The following CSMD1 variants were observed in gnomAD, a reference collection of about 807,000 sequenced individuals.
CSMD1 encodes CUB and Sushi multiple domains 1.
Under a neutral mutation model 417.5 loss-of-function variants are expected in CSMD1, and 213 were observed. The ratio of observed to expected loss-of-function variants is 0.51; its 90% confidence interval spans 0.46 to 0.57. The LOEUF (loss-of-function observed/expected upper bound fraction) is 0.57, where lower values mean the gene tolerates loss of function less well. CSMD1 is among the 20% of genes least tolerant of loss of function. The pLI is 0.00. For synonymous variants in CSMD1, 2,862 were observed against 1,736.8 expected, an observed-to-expected ratio of 1.65 and a Z score of -16.11; for missense variants, 6,923 against 4,529.7, an observed-to-expected ratio of 1.53 and a Z score of -15.17.
chr8:3,820,099 G>C (rs891773969), intron 5 of CSMD1, among the ~76,000 whole-genome samples: 1 of 152,124 alleles, frequency 6.6e-6, no homozygotes, highest in Non-Finnish European at 1.5e-5. Context: ...TTTCTTCAGG[G>C]ACAGATGCAC....
At chr8:4,768,729 G>C (rs778339947) in intron 1 of CSMD1, among the ~76,000 whole-genome samples, 1 of 152,182 alleles carries the variant, frequency 6.6e-6, no homozygotes, top group Non-Finnish European at 1.5e-5. Flanking sequence ...AACTCCCCAG[G>C]AGTGTCCCTC....
intron 1 of CSMD1, among the ~76,000 whole-genome samples, chr8:4,835,005 GAAAGAA>G (rs1800389136): frequency 2.8e-5 from 2 of 71,634 alleles, no homozygotes; most frequent in African/African-American, 4.6e-5. Flanking sequence ...AAGAAAGAAA[GAAAGAA>G]AAAAAAATCA....
chr8:4,733,778 C>T (rs934999948), intron 1 of CSMD1, among the ~76,000 whole-genome samples: 11 of 152,112 alleles, frequency 7.2e-5, no homozygotes, highest in Admixed American at 2.0e-4. Context: ...TTAACAACAA[C>T]GACAAAATCC....
chr8:4,150,532 C>G (rs976915489), intron 3 of CSMD1, among the ~76,000 whole-genome samples: 2 of 152,126 alleles, frequency 1.3e-5, no homozygotes, highest in Non-Finnish European at 2.9e-5. Flanking sequence ...TTCTGTTCTT[C>G]CAAGTGTAAT....
At chr8:4,446,536 G>C (rs547909541) in intron 2 of CSMD1, among the ~76,000 whole-genome samples, 3 of 152,144 alleles carry the variant, frequency 2.0e-5, no homozygotes, top group Admixed American at 6.5e-5. Flanking sequence ...AGCAGAATGA[G>C]ACCCCGGTTC....
intron 6 of CSMD1, among the ~76,000 whole-genome samples, chr8:3,713,903 A>C (rs1373310279): frequency 6.6e-6 from 1 of 152,104 alleles, no homozygotes. Flanking sequence ...CTGTAATTTT[A>C]TCAATGCCTC....
chr8:3,999,230 T>A (rs1815467308), intron 4 of CSMD1, among the ~76,000 whole-genome samples: 2 of 152,116 alleles, frequency 1.3e-5, no homozygotes, highest in African/African-American at 4.8e-5. Flanking sequence ...ATTCTGATAC[T>A]GCAATGTGGA....
intron 1 of CSMD1, among the ~76,000 whole-genome samples, chr8:4,895,453 T>C (rs1445708876): frequency 6.6e-6 from 1 of 152,174 alleles, no homozygotes; most frequent in Non-Finnish European, 1.5e-5. Flanking sequence ...TCAACATTGT[T>C]ATTCTGCTTT....
intron 50 of CSMD1, among the ~76,000 whole-genome samples, chr8:3,050,999 G>T (rs1811783100): frequency 6.6e-6 from 1 of 152,134 alleles, no homozygotes; most frequent in East Asian, 1.9e-4. Flanking sequence ...GCTGCTGGTG[G>T]GAGTGTAAAT....
chr8:4,567,764 T>C (rs1798685606), intron 2 of CSMD1, among the ~76,000 whole-genome samples: 1 of 152,152 alleles, frequency 6.6e-6, no homozygotes. Context: ...TATTAAACTA[T>C]TGCTGGTCAT....
intron 49 of CSMD1, among the ~76,000 whole-genome samples, chr8:3,072,841 G>C (rs1451142817): frequency 2.6e-5 from 4 of 152,014 alleles, no homozygotes; most frequent in Non-Finnish European, 4.4e-5. Flanking sequence ...TGTGTGTGGT[G>C]CCCACTTTTC....
intron 5 of CSMD1, among the ~76,000 whole-genome samples, chr8:3,942,895 A>G (rs1810978206): frequency 6.6e-6 from 1 of 152,196 alleles, no homozygotes; most frequent in Non-Finnish European, 1.5e-5. Context: ...TGAATACATC[A>G]TTGTGATACT....
intron 8 of CSMD1, among the ~76,000 whole-genome samples, chr8:3,610,715 T>G (rs371669885): frequency 1.3e-5 from 2 of 152,122 alleles, no homozygotes; most frequent in African/African-American, 4.8e-5. Context: ...TTCTTTCTCT[T>G]AACTCCAATT....
intron 3 of CSMD1, among the ~76,000 whole-genome samples, chr8:4,237,634 C>A (rs909728481): frequency 1.3e-5 from 2 of 151,962 alleles, no homozygotes; most frequent in Admixed American, 6.6e-5. Flanking sequence ...TCCTGCCTCA[C>A]CCTTTCTAGT....
chr8:3,264,022 C>T (rs1003289879), intron 26 of CSMD1, among the ~76,000 whole-genome samples: 1 of 152,082 alleles, frequency 6.6e-6, no homozygotes, highest in African/African-American at 2.4e-5. Context: ...TTTAAAGAGA[C>T]TTCAGTTTTT....
intron 53 of CSMD1, among the ~76,000 whole-genome samples, chr8:2,998,532 C>G (rs985599373): frequency 6.6e-6 from 1 of 152,146 alleles, no homozygotes; most frequent in East Asian, 1.9e-4. Flanking sequence ...TTGTATTAAT[C>G]ATGAGTTTTG....
At chr8:3,309,748 T>C (rs1274669726) in intron 23 of CSMD1, among the ~76,000 whole-genome samples, 1 of 152,212 alleles carries the variant, frequency 6.6e-6, no homozygotes, top group Non-Finnish European at 1.5e-5. Flanking sequence ...TTCTGCTACA[T>C]CCTCCTGTCA....
At chr8:3,641,024 C>CTTTTTTTTTTTTTTTTTTT (rs34851559) in intron 7 of CSMD1, among the ~76,000 whole-genome samples, 5 of 102,716 alleles carry the variant, frequency 4.9e-5, no homozygotes, top group Non-Finnish European at 7.5e-5. Flanking sequence ...TCCTTTTTTC[C>CTTTTTTTTTTTTTTTTTTT]TTTTTTTTTT....
At chr8:3,799,643 C>G (rs891571204) in intron 5 of CSMD1, among the ~76,000 whole-genome samples, 10 of 151,860 alleles carry the variant, frequency 6.6e-5, no homozygotes, top group African/African-American at 9.7e-5. Flanking sequence ...TGTAGCATTG[C>G]AGAAAACAAG....
Sources: gnomAD v4.1 joint callset for allele counts (sites outside exome capture counted in the v4.1 genomes callset) on GRCh38, gnomAD v4.1.1 for gene constraint, MANE v1.5 for transcripts, NCBI Gene and HGNC (gene_info 2026-07-23, HGNC 2026-07-21) for gene names.